MIER1: variants seen among roughly 807,000 people sequenced by gnomAD.
MIER1 encodes the protein MIER1 transcriptional regulator, also known as mesoderm induction early response protein 1.
MIER1 carries 40 observed loss-of-function variants against 75.7 expected under a neutral mutation model. The ratio of observed to expected loss-of-function variants is 0.53; its 90% CI spans 0.41 to 0.69. The LOEUF is 0.69. Among genes scored for constraint, MIER1 ranks in the 30% least tolerant of loss-of-function variants. MIER1 has a pLI of 0.00. For missense variants in MIER1, 574 were observed against 680.2 expected, an observed-to-expected ratio of 0.84 and a Z score of 1.74; for synonymous variants, 213 against 223.4, an observed-to-expected ratio of 0.95 and a Z score of 0.42.
intron 4 of MIER1, among the ~76,000 whole-genome samples, chr1:66,950,191 C>G (rs1377306710): frequency 6.6e-6 from 1 of 152,128 alleles, no homozygotes; most frequent in Admixed American, 6.5e-5. Flanking sequence ...TCACTGCAAC[C>G]TCCACCTCCT....
chr1:66,939,939 A>G lies in MIER1; in HGVS notation c.169-89A>G, dbSNP rs1486808605. ...ATTAAAACTTACTGTAGTTTTTGGC[A>G]TCATAGTAGTCATTGAATAATTTCG... On this transcript the variant is annotated intron_variant, in intron 2 of 13. Transcript: ENST00000401041. The G allele has an allele frequency of 3.9e-6, 4 of 1,025,674 alleles. 1 individual carries two copies. The highest frequency in any genetic ancestry group is 3.2e-5 in the African/African-American group (2 of 61,590). 63.5% of individuals were successfully genotyped at this position (1,025,674 alleles called of 1,614,324 possible).
chr1:66,984,236 C>T (rs560718344), intron 13 of MIER1, among the ~76,000 whole-genome samples: 4 of 152,304 alleles, frequency 2.6e-5, no homozygotes, highest in African/African-American at 9.6e-5. Flanking sequence ...CTGCTGGATC[C>T]AGTGCTTGTT....
intron 10 of MIER1, among the ~76,000 whole-genome samples, chr1:66,972,228 TACACTAC>T (rs1380061412): frequency 4.9e-5 from 5 of 102,762 alleles, no homozygotes; most frequent in Admixed American, 1.0e-4. Flanking sequence ...TATATATATA[TACACTAC>T]ATATATATAT....
chr1:66,933,473 G>A (rs1462604707), intron 2 of MIER1, among the ~76,000 whole-genome samples: 2 of 152,060 alleles, frequency 1.3e-5, no homozygotes, highest in East Asian at 1.9e-4. Flanking sequence ...TTCAAAGAGG[G>A]TATATAATCT....
chr1:66,935,854 A>G (rs996927491), intron 2 of MIER1, among the ~76,000 whole-genome samples: 1 of 151,996 alleles, frequency 6.6e-6, no homozygotes, highest in Non-Finnish European at 1.5e-5. Context: ...AGATATCTCT[A>G]TTTTTAATGG....
chr1:66,980,590 C>G (rs1023291497), intron 12 of MIER1, among the ~76,000 whole-genome samples: 4 of 152,070 alleles, frequency 2.6e-5, no homozygotes, highest in Non-Finnish European at 4.4e-5. Flanking sequence ...CCACTGTTTC[C>G]TTCTTATTTA....
intron 3 of MIER1, among the ~76,000 whole-genome samples, chr1:66,944,033 C>T (rs368566329): frequency 2.0e-5 from 3 of 150,794 alleles, no homozygotes; most frequent in Non-Finnish European, 3.0e-5. Context: ...ATACCTACTT[C>T]GTAGGATTAT....
chr1:66,951,159 A>G (rs1176650231), intron 4 of MIER1, among the ~76,000 whole-genome samples: 1 of 152,156 alleles, frequency 6.6e-6, no homozygotes, highest in Non-Finnish European at 1.5e-5. Context: ...GGGCAGACTT[A>G]ACTTGAGATA....
Position 66,985,359 on chromosome 1 carries a change from CAG to C in MIER1, c.*461_*462del, listed in dbSNP as rs1319348724. 1 of 984,956 alleles carries C rather than the reference CAG, an allele frequency of 1.0e-6. No homozygotes were observed. The highest frequency in any genetic ancestry group is 1.2e-6 in the Non-Finnish European group (1 of 829,564). The allele number at this position is 984,956 out of a possible 1,614,324, so 61.0% of individuals were successfully genotyped here. Reference sequence around the variant, plus strand: ...TGAGTTTCTTGAAATGTCTTTAAAACAGACATTTTTCTCACCAAACAGTTTGA... The same window carrying C: ...TGAGTTTCTTGAAATGTCTTTAAAACACATTTTTCTCACCAAACAGTTTGA... On this transcript the variant is annotated 3_prime_UTR_variant, in exon 14 of 14. Coordinates refer to ENST00000401041, the MANE Select transcript of MIER1 (RefSeq NM_001077700.3).
At chr1:66,926,556 A>T (rs1651839845) in intron 2 of MIER1, among the ~76,000 whole-genome samples, 1 of 152,236 alleles carries the variant, frequency 6.6e-6, no homozygotes, top group Non-Finnish European at 1.5e-5. Flanking sequence ...AATGAAACTA[A>T]CGAAAGATGA....
At chr1:66,956,531 G>A (rs1660164464) in intron 4 of MIER1, among the ~76,000 whole-genome samples, 1 of 152,144 alleles carries the variant, frequency 6.6e-6, no homozygotes, top group Non-Finnish European at 1.5e-5. Flanking sequence ...CCAATGTCCT[G>A]TACCAGATTC....
chr1:66,981,964 C>CT (rs771814867), intron 13 of MIER1, 46 bp downstream of exon 13: 20 of 1,600,314 alleles, frequency 1.2e-5, no homozygotes, highest in Non-Finnish European at 1.6e-5. Context: ...ATAAGGGACA[C>CT]TTTCTTGCAG....
At position 66,986,416 on chromosome 1, in the gene MIER1, G is replaced by GCTT. The variant is rs576432838; in HGVS notation, c.*1521_*1523dup. 664 of 1,613,060 alleles carry GCTT rather than the reference G, an allele frequency of 4.1e-4. 15 individuals are homozygous for GCTT. The East Asian group carries it at 0.014, about 35-fold the overall frequency. ...TTTCTCACACAGGCATACTCCAAAT[G>GCTT]CTTCTTCCAGTTCATTTTTCAGCCA... On this transcript the variant is annotated 3_prime_UTR_variant, in exon 14 of 14. Transcript: ENST00000401041.
At chr1:66,968,081 ATG>A in intron 8 of MIER1, among the ~76,000 whole-genome samples, 1 of 152,282 alleles carries the variant, frequency 6.6e-6, no homozygotes, top group East Asian at 1.9e-4. Flanking sequence ...AATTATGCAT[ATG>A]TAATTTTTTT....
chr1:66,931,604 T>G (rs1393888472), intron 2 of MIER1, among the ~76,000 whole-genome samples: 1 of 152,172 alleles, frequency 6.6e-6, no homozygotes, highest in Non-Finnish European at 1.5e-5. Context: ...TATCTCTAAT[T>G]TACAACTAAA....
intron 12 of MIER1, among the ~76,000 whole-genome samples, chr1:66,981,132 TGA>T (rs1303403572): frequency 1.3e-5 from 2 of 152,206 alleles, no homozygotes; most frequent in African/African-American, 4.8e-5. Context: ...ACACTAAACC[TGA>T]GAGAGACAAA....
chr1:66,934,260 C>G (rs1278888073), intron 2 of MIER1, among the ~76,000 whole-genome samples: 1 of 152,040 alleles, frequency 6.6e-6, no homozygotes, highest in Non-Finnish European at 1.5e-5. Flanking sequence ...AAATCTAAAT[C>G]TTTTGATCAT....
At chr1:66,964,539 G>A (rs1174464496) in intron 8 of MIER1, among the ~76,000 whole-genome samples, 2 of 146,132 alleles carry the variant, frequency 1.4e-5, no homozygotes, top group Admixed American at 7.0e-5. Flanking sequence ...TGCAACTTTC[G>A]CCTCTCAGGT....
chr1:66,983,084 G>A (rs1666218906), intron 13 of MIER1, among the ~76,000 whole-genome samples: 1 of 152,164 alleles, frequency 6.6e-6, no homozygotes, highest in Admixed American at 6.5e-5. Context: ...CTAGGAAAGT[G>A]TTCATAAGTT....
Sources: allele counts gnomAD v4.1 joint callset (sites outside exome capture counted in the v4.1 genomes callset), GRCh38; gene constraint gnomAD v4.1.1; transcripts MANE v1.5; gene names NCBI Gene and HGNC (gene_info 2026-07-23, HGNC 2026-07-21).